Variants in ADGRL2 observed in about 807,000 individuals in gnomAD.
ADGRL2 encodes the protein adhesion G protein-coupled receptor L2.
ADGRL2 carries 44 observed loss-of-function variants against 157.4 expected under a neutral mutation model. That is an observed-to-expected ratio of 0.28 (90% CI 0.22 to 0.36). The LOEUF (loss-of-function observed/expected upper bound fraction) is 0.36. Among genes scored for constraint, ADGRL2 ranks in the 10% least tolerant of loss-of-function variants. The probability of loss-of-function intolerance (pLI) is 1.00; values close to 1 mark genes in which losing one functional copy is unlikely to be tolerated. For synonymous variants in ADGRL2, 585 were observed against 624.7 expected (o/e 0.94, Z 0.95); for missense variants, 1,510 against 1,768.9 (o/e 0.85, Z 2.63).
intron 6 of ADGRL2, 61 bp from the exon 7 acceptor site, chr1:81,950,128 C>A: frequency 2.1e-6 from 3 of 1,399,212 alleles, no homozygotes; most frequent in Non-Finnish European, 3.0e-6. Flanking sequence ...TCCATGTGTG[C>A]ATGACTGTAT....
intron 3 of ADGRL2, among the ~76,000 whole-genome samples, chr1:81,609,530 C>T (rs1233590262): frequency 1.3e-5 from 2 of 152,158 alleles, no homozygotes; most frequent in East Asian, 3.8e-4. Context: ...TTCTGCCACA[C>T]ATAAGAACTT....
intron 1 of ADGRL2, among the ~76,000 whole-genome samples, chr1:81,731,172 C>T (rs953640153): frequency 2.0e-5 from 3 of 152,180 alleles, no homozygotes; most frequent in African/African-American, 4.8e-5. Flanking sequence ...ATATTATTTA[C>T]AGAAATGAAC....
At chr1:81,794,487 A>G (rs895658858) in intron 2 of ADGRL2, among the ~76,000 whole-genome samples, 1 of 152,202 alleles carries the variant, frequency 6.6e-6, no homozygotes, top group African/African-American at 2.4e-5. Context: ...TTTAATGTAC[A>G]ATAACTGGAC....
chr1:81,426,991 T>C (rs2077228934), intron 1 of ADGRL2: 7 of 891,302 alleles, frequency 7.9e-6, no homozygotes, highest in Middle Eastern at 2.5e-4. Flanking sequence ...ACGATACAGT[T>C]GATAACATTG....
intron 3 of ADGRL2, among the ~76,000 whole-genome samples, chr1:81,636,599 C>G (rs1262960049): frequency 6.6e-6 from 1 of 152,004 alleles, no homozygotes. Context: ...AGCTTTAAAG[C>G]CATTACCCAT....
chr1:81,723,751 G>A (rs2084416710), intron 1 of ADGRL2, among the ~76,000 whole-genome samples: 2 of 152,144 alleles, frequency 1.3e-5, no homozygotes, highest in Non-Finnish European at 2.9e-5. Context: ...GCAGGGCAGT[G>A]GCAATCTTGC....
In ADGRL2 at chr1:81,990,733, T is replaced by C. The variant is rs1664446903; in HGVS notation, c.3998T>C (p.Leu1333Pro). 6.2e-7 allele frequency: 1 copy of C among 1,614,000 alleles called. No homozygotes were observed. The highest frequency in any genetic ancestry group is 1.1e-5 in the South Asian group (1 of 91,074). ...GGGCTGGAGCTCCATCACAAAGAAC[T>C]CGAGGCACCACTTATTCCTCAGCGG... ...NPGLELHHKELEAPLIPQRTH... is the reference protein window; with the variant it reads ...NPGLELHHKEPEAPLIPQRTH... Residue 1333 changes from leucine (L) to proline (P), a missense_variant, in exon 24 of 24, where the codon CTC (leucine) becomes CCC (proline). Around this residue, in one of 4 missense-constraint regions of ADGRL2, gnomAD observed 327 missense variants for 310.1 expected, o/e 1.05. Coordinates refer to ENST00000686636, the MANE Select transcript of ADGRL2 (RefSeq NM_001366006.2).
intron 3 of ADGRL2, among the ~76,000 whole-genome samples, chr1:81,593,142 A>G (rs934126564): frequency 2.0e-5 from 3 of 152,188 alleles, no homozygotes; most frequent in African/African-American, 7.2e-5. Context: ...TTCTTAGCCC[A>G]TTTGTCAAAA....
intron 1 of ADGRL2, among the ~76,000 whole-genome samples, chr1:81,701,669 GC>G (rs1381267579): frequency 6.6e-6 from 1 of 152,166 alleles, no homozygotes; most frequent in Non-Finnish European, 1.5e-5. Flanking sequence ...TAAGGAATTT[GC>G]CCAAGTTCCC....
At chr1:81,965,589 T>C (rs969434703) in intron 11 of ADGRL2, among the ~76,000 whole-genome samples, 2 of 152,198 alleles carry the variant, frequency 1.3e-5, no homozygotes, top group Admixed American at 6.5e-5. Context: ...AAGAGTTGTA[T>C]AGATGCCATA....
At chr1:81,650,590 A>AAAAAAAAAAAAAAAAAAAAG (rs1557536790) in intron 3 of ADGRL2, among the ~76,000 whole-genome samples, 1 of 147,952 alleles carries the variant, frequency 6.8e-6, no homozygotes. Context: ...AAAAAAAAAA[A>AAAAAAAAAAAAAAAAAAAAG]AAAGAAAAAG....
intron 1 of ADGRL2, among the ~76,000 whole-genome samples, chr1:81,756,632 A>T (rs944002645): frequency 6.6e-6 from 1 of 152,194 alleles, no homozygotes; most frequent in Non-Finnish European, 1.5e-5. Context: ...TTTGAAACAG[A>T]TGAATATTTT....
chr1:81,888,745 C>T (rs184142858), intron 2 of ADGRL2, among the ~76,000 whole-genome samples: 5 of 152,252 alleles, frequency 3.3e-5, no homozygotes, highest in East Asian at 3.9e-4. Context: ...AACCACTGCG[C>T]CCGGCCTGCT....
At chr1:81,454,916 A>T (rs4350244) in intron 2 of ADGRL2, among the ~76,000 whole-genome samples, 72,896 of 152,022 alleles carry the variant, frequency 0.48, 19,542 homozygotes, top group Non-Finnish European at 0.59. Flanking sequence ...CTTTGCAGAA[A>T]GTCAGAGTGA....
At chr1:81,451,923 T>C (rs1416242053) in intron 2 of ADGRL2, among the ~76,000 whole-genome samples, 1 of 152,196 alleles carries the variant, frequency 6.6e-6, no homozygotes, top group Non-Finnish European at 1.5e-5. Flanking sequence ...TAAATTAAAT[T>C]ATAAATCTAA....
chr1:81,804,423 G>A (rs1236544576), intron 1 of ADGRL2, among the ~76,000 whole-genome samples: 5 of 152,206 alleles, frequency 3.3e-5, no homozygotes, highest in Admixed American at 1.3e-4. Context: ...GGGACTATTA[G>A]CATATCAAAG....
At chr1:81,361,348 T>C (rs567424914) in intron 1 of ADGRL2, among the ~76,000 whole-genome samples, 5 of 152,014 alleles carry the variant, frequency 3.3e-5, no homozygotes, top group Admixed American at 2.6e-4. Context: ...CTTATCTTGA[T>C]TGGGGTTTGG....
intron 2 of ADGRL2, among the ~76,000 whole-genome samples, chr1:81,578,584 A>C (rs1267520499): frequency 1.3e-5 from 2 of 152,160 alleles, no homozygotes; most frequent in Admixed American, 1.3e-4. Context: ...CTTCATTAGA[A>C]TATCTATTAA....
Position 81,972,243 on chromosome 1 carries a change from A to T in ADGRL2, c.3021+325A>T, listed in dbSNP as rs983842446. Among the ~76,000 whole-genome samples the T allele has an allele frequency of 5.5e-3, 834 of 152,226 alleles. 6 individuals carry two copies. The highest frequency in any genetic ancestry group is 0.019 in the African/African-American group (805 of 41,556). ...AGAAAAGTGAAAGAATATTACCTTAATTTTTATTATCTTAGTTTCCACATA... is the reference window on the plus strand; with the variant it reads ...AGAAAAGTGAAAGAATATTACCTTATTTTTTATTATCTTAGTTTCCACATA... On this transcript the variant is annotated intron_variant, in intron 17 of 23. Coordinates refer to ENST00000686636, the MANE Select transcript of ADGRL2 (RefSeq NM_001366006.2).
Sources: gnomAD v4.1 joint callset for allele counts (sites outside exome capture counted in the v4.1 genomes callset) on GRCh38, gnomAD v4.1.1 for gene constraint, gnomAD v4.1.1 regional missense constraint, MANE v1.5 for transcripts, NCBI Gene and HGNC (gene_info 2026-07-23, HGNC 2026-07-21) for gene names.